NIN: variants seen among roughly 807,000 people sequenced by gnomAD.
NIN encodes the protein glycogen synthase kinase 3 beta-interacting protein.
Under a neutral mutation model 257.6 loss-of-function variants are expected in NIN, and 137 were observed. The observed-to-expected ratio is 0.53, with a 90% CI of 0.46 to 0.61. The LOEUF (loss-of-function observed/expected upper bound fraction) is 0.61, where lower values mean the gene tolerates loss of function less well. NIN is among the 20% of genes least tolerant of loss of function. NIN has a pLI of 0.00. For synonymous variants in NIN, 918 were observed against 919.8 expected, an observed-to-expected ratio of 1.00 and a Z score of 0.04; for missense variants, 2,439 against 2,501.2, an observed-to-expected ratio of 0.98 and a Z score of 0.53.
chr14:50,816,769 A>G (rs1393680873), intron 3 of NIN, among the ~76,000 whole-genome samples: 1 of 152,204 alleles, frequency 6.6e-6, no homozygotes, highest in African/African-American at 2.4e-5. Flanking sequence ...TAATCACAGA[A>G]ATAAGGCATT....
At position 50,726,031 on chromosome 14, in the gene NIN, T is replaced by C. The variant is rs1197836512; in HGVS notation, c.6114A>G (p.Glu2038=). The change falls in exon 30 of 31, where the codon GAA becomes GAG. Residue 2038 remains glutamate, a synonymous_variant. Coordinates refer to ENST00000530997, the MANE Select transcript of NIN (RefSeq NM_020921.4). ...GTTTCTGTTCAACTTCTATCATTCG[T>C]TCCTCCATGACAGTTACCAGTTGTT... The part of the protein sequence containing the change: ...NQEQLVTVME[E]RMIEVEQKLK... 9 of 1,614,048 alleles carry C rather than the reference T, an allele frequency of 5.6e-6. No individual in the cohort carries two copies. Among genetic ancestry groups the C allele is most frequent in the Non-Finnish European group, 7.6e-6 (9 of 1,179,934 alleles).
At chr14:50,754,937 T>C (rs1165697523) in intron 18 of NIN, 70 bp from the exon 19 acceptor site, 4 of 1,101,442 alleles carry the variant, frequency 3.6e-6, no homozygotes, top group Non-Finnish European at 5.2e-6. Flanking sequence ...TATTTTCTAG[T>C]AACTTCCAAA....
intron 3 of NIN, among the ~76,000 whole-genome samples, chr14:50,808,664 G>A (rs902470926): frequency 1.3e-5 from 2 of 152,212 alleles, no homozygotes; most frequent in Admixed American, 6.5e-5. Flanking sequence ...TGGTGACACA[G>A]TAGTGAATGA....
intron 12 of NIN, among the ~76,000 whole-genome samples, chr14:50,767,219 C>T (rs1372435930): frequency 1.3e-5 from 2 of 152,038 alleles, no homozygotes; most frequent in African/African-American, 4.8e-5. Flanking sequence ...TGAATAGCCC[C>T]AAAATGTAAA....
chr14:50,775,792 G>C (rs1409796222), intron 7 of NIN, among the ~76,000 whole-genome samples: 1 of 152,000 alleles, frequency 6.6e-6, no homozygotes, highest in Non-Finnish European at 1.5e-5. Context: ...ACAACCCAAG[G>C]TTCTACATAT....
At chr14:50,820,707 C>G (rs959537816) in intron 3 of NIN, among the ~76,000 whole-genome samples, 3 of 152,134 alleles carry the variant, frequency 2.0e-5, no homozygotes, top group Non-Finnish European at 4.4e-5. Context: ...TAACCCTCCC[C>G]CCGCCACAAG....
chr14:50,778,941 G>A, intron 5 of NIN, 137 bp from the exon 6 acceptor site: 2 of 860,474 alleles, frequency 2.3e-6, no homozygotes, highest in South Asian at 3.0e-5. Context: ...ACTCTCTAGT[G>A]TATCCATCTA....
rs540295923 is a variant in NIN, at chr14:50,762,973, A to G, written c.1774+853T>C. Among the ~76,000 whole-genome samples the G allele has an allele frequency of 2.4e-4, 36 of 152,306 alleles. No homozygotes were observed. The South Asian group carries it at 7.5e-3, about 32-fold the overall frequency. On this transcript the variant is annotated intron_variant, in intron 15 of 30. Transcript: ENST00000530997. ...CACTTGGCCATCTATGGAAAAGTCC[A>G]TAACAGCTGCCGAGATATATCATAT...
rs1052919196 is a variant in NIN, at chr14:50,773,009, T to G, written c.753A>C (p.Lys251Asn). Residue 251 changes from lysine to asparagine, a missense_variant, in exon 8 of 31, where the codon AAA (lysine) becomes AAC (asparagine). Lys to Asn is a moderately conservative substitution (Grantham distance 94). Transcript: ENST00000530997. Reference sequence around the variant, plus strand: ...GAGTAGATGCTGATGGTGTAAGAGATTTTCCATTTTTAAACAAACCATAGA... The same window carrying G: ...GAGTAGATGCTGATGGTGTAAGAGAGTTTCCATTTTTAAACAAACCATAGA... The part of the protein sequence containing the change: ...DFFYGLFKNG[K>N]SLTPSASTPY... The G allele has an allele frequency of 3.1e-6, 5 of 1,613,256 alleles. No individual in the cohort carries two copies. Among genetic ancestry groups the G allele is most frequent in the Admixed American group, 1.7e-5 (1 of 59,992 alleles).
intron 12 of NIN, among the ~76,000 whole-genome samples, chr14:50,767,788 G>A (rs553777385): frequency 4.0e-5 from 6 of 148,810 alleles, no homozygotes; most frequent in Admixed American, 1.3e-4. Context: ...CTGCACTCCA[G>A]CCTGGGCGAC....
At chr14:50,795,338 A>G (rs950346472) in intron 4 of NIN, among the ~76,000 whole-genome samples, 1 of 152,246 alleles carries the variant, frequency 6.6e-6, no homozygotes, top group African/African-American at 2.4e-5. Context: ...TGCACTTAAC[A>G]TGATACGATG....
chr14:50,744,148 T>C (rs1044229494), intron 23 of NIN, 95 bp downstream of exon 23: 3 of 1,359,596 alleles, frequency 2.2e-6, no homozygotes, highest in African/African-American at 2.9e-5. Flanking sequence ...AACAACAGAC[T>C]ACCACAGGAG....
At chr14:50,783,175 C>T (rs963942550) in intron 5 of NIN, among the ~76,000 whole-genome samples, 8 of 152,050 alleles carry the variant, frequency 5.3e-5, no homozygotes, top group South Asian at 2.1e-4. Context: ...CGGCCCTCCC[C>T]GCTGACCCAC....
Position 50,773,095 on chromosome 14 carries a change from T to C in NIN, c.667A>G (p.Met223Val). The C allele has an allele frequency of 2.5e-6, 4 of 1,609,886 alleles. No homozygotes were observed. The highest frequency in any genetic ancestry group is 3.4e-6 in the Non-Finnish European group (4 of 1,177,826). The change falls in exon 8 of 31, where the codon ATG becomes GTG. Residue 223 changes from methionine to valine, a missense_variant and splice_region_variant. Around this residue, in one of 3 missense-constraint regions of NIN, gnomAD observed 387 missense variants for 427.3 expected, o/e 0.91. Coordinates refer to ENST00000530997, the MANE Select transcript of NIN (RefSeq NM_020921.4). ...AGATTATGGAATACTTCCTCGAGCA[T>C]CTAGAAAAGAGTCATCACATATTTT... ...QYGLQNVDGE[M>V]LEEVFHNLDP...
chr14:50,815,480 G>T (rs566591078), intron 3 of NIN, among the ~76,000 whole-genome samples: 27 of 152,242 alleles, frequency 1.8e-4, no homozygotes, highest in Admixed American at 3.9e-4. Flanking sequence ...AAGATAGTGT[G>T]GTGATTCCTC....
intron 2 of NIN, among the ~76,000 whole-genome samples, chr14:50,827,514 G>C (rs1595961157): frequency 6.6e-6 from 1 of 151,954 alleles, no homozygotes; most frequent in East Asian, 1.9e-4. Context: ...TTGGGAGGCT[G>C]AGGCAGGTGG....
intron 5 of NIN, 192 bp downstream of exon 5, chr14:50,792,520 C>G (rs1470681844): frequency 3.3e-6 from 2 of 606,320 alleles, no homozygotes; most frequent in African/African-American, 3.7e-5. Flanking sequence ...AAAGCTGAAA[C>G]GAGGTAAAAA....
chr14:50,772,503 T>C (rs2042776134), intron 8 of NIN, 35 bp from the exon 9 acceptor site: 1 of 1,603,286 alleles, frequency 6.2e-7, no homozygotes, highest in Non-Finnish European at 8.5e-7. Context: ...AAGCCTAGCT[T>C]GATTCCAGGC....
At chr14:50,800,273 A>G (rs1373949884) in intron 4 of NIN, among the ~76,000 whole-genome samples, 1 of 152,138 alleles carries the variant, frequency 6.6e-6, no homozygotes, top group Admixed American at 6.5e-5. Context: ...TAATTTCTTC[A>G]CTTGCTTTAT....
Sources: gnomAD v4.1 joint callset for allele counts (sites outside exome capture counted in the v4.1 genomes callset) on GRCh38, gnomAD v4.1.1 for gene constraint, gnomAD v4.1.1 regional missense constraint, MANE v1.5 for transcripts, NCBI Gene and HGNC (gene_info 2026-07-23, HGNC 2026-07-21) for gene names.